The following PATJ variants were observed in gnomAD, a reference collection of about 807,000 sequenced individuals.
The protein encoded by PATJ is PATJ crumbs cell polarity complex component.
In PATJ, 190 loss-of-function variants were observed where a neutral mutation model predicts 224.9. The observed-to-expected ratio is 0.84, with a 90% CI of 0.75 to 0.95. PATJ has a LOEUF of 0.95. Among genes scored for constraint, PATJ ranks in the 40% least tolerant of loss-of-function variants. The pLI is 0.00. For missense variants in PATJ, 2,121 were observed against 2,270.3 expected (o/e 0.93, Z 1.34); for synonymous variants, 769 against 820.3 (o/e 0.94, Z 1.07).
intron 15 of PATJ, among the ~76,000 whole-genome samples, chr1:61,825,879 T>G (rs1052085706): frequency 4.6e-5 from 7 of 152,218 alleles, no homozygotes; most frequent in South Asian, 4.1e-4. Flanking sequence ...GTGCCTTTTT[T>G]TAGTGTAAGT....
At chr1:61,852,894 C>T (rs919567728) in intron 17 of PATJ, among the ~76,000 whole-genome samples, 1 of 152,038 alleles carries the variant, frequency 6.6e-6, no homozygotes, top group Non-Finnish European at 1.5e-5. Context: ...CTCATTAAAG[C>T]GATTTCATTC....
chr1:62,154,411 G>C (rs1036563134), intron 43 of PATJ, among the ~76,000 whole-genome samples: 19 of 151,944 alleles, frequency 1.3e-4, no homozygotes, highest in African/African-American at 4.6e-4. Flanking sequence ...GCTCACGTCT[G>C]TAATCCCAAC....
chr1:61,845,746 A>G (rs1008072150), intron 17 of PATJ, among the ~76,000 whole-genome samples: 1 of 152,230 alleles, frequency 6.6e-6, no homozygotes, highest in Admixed American at 6.5e-5. Flanking sequence ...CTAAAGAATG[A>G]AGGGCATCCT....
chr1:62,162,463 G>A lies in PATJ; in HGVS notation c.*1409G>A, dbSNP rs1669906991. The stretch of plus-strand genomic sequence containing the variant: ...AAATGAATTGAGCCTAGGAATATGT[G>A]ATGAAAATGCATGGCTGATGTTTCC... On this transcript the variant is annotated 3_prime_UTR_variant, in exon 44 of 44. Transcript: ENST00000642238. 6.6e-6 allele frequency: 1 copy of A among 152,266 alleles called. No individual in the cohort carries two copies. The highest frequency in any genetic ancestry group is 2.4e-5 in the African/African-American group (1 of 41,468). 9.4% of individuals were successfully genotyped at this position (152,266 alleles called of 1,614,324 possible). A position where few individuals can be genotyped will look rare whatever the true frequency, so the allele number is the denominator to read the frequency against.
chr1:61,791,517 AAATACTTGCAG>A (rs1649862266), intron 9 of PATJ, 70 bp downstream of exon 9: 9 of 921,266 alleles, frequency 9.8e-6, no homozygotes, highest in Non-Finnish European at 1.4e-5. Flanking sequence ...TAGTGAAATT[AAATACTTGCAG>A]ATTTTAATTT....
chr1:62,103,982 G>T lies in PATJ; in HGVS notation c.4378-4455G>T, dbSNP rs147267737. On this transcript the variant is annotated intron_variant, in intron 33 of 43. Coordinates refer to ENST00000642238, the MANE Select transcript of PATJ (RefSeq NM_001350145.3). ...TCATAATCCTTTGCCTCTATAGCCTGTCTTCAGAGTGAGCCAGCAAGCCAC... is the reference window on the plus strand; with the variant it reads ...TCATAATCCTTTGCCTCTATAGCCTTTCTTCAGAGTGAGCCAGCAAGCCAC... Among the ~76,000 whole-genome samples, 1,363 of 152,258 alleles carry T rather than the reference G, an allele frequency of 9.0e-3. 22 individuals are homozygous for T. The highest frequency in any genetic ancestry group is 0.084 in the South Asian group (407 of 4,820).
chr1:61,811,280 G>A (rs1654712377), intron 14 of PATJ, among the ~76,000 whole-genome samples: 1 of 152,104 alleles, frequency 6.6e-6, no homozygotes, highest in Non-Finnish European at 1.5e-5. Flanking sequence ...CTAGGCTGGG[G>A]TGCAATGGTG....
intron 39 of PATJ, among the ~76,000 whole-genome samples, chr1:62,125,236 C>CAAAAAA (rs761278812): frequency 0.033 from 921 of 27,708 alleles, 96 homozygotes; most frequent in East Asian, 0.12. Flanking sequence ...AACCCTGTCT[C>CAAAAAA]AAAAAAAAAA....
intron 41 of PATJ, among the ~76,000 whole-genome samples, chr1:62,129,182 A>C (rs1297157610): frequency 6.6e-6 from 1 of 152,238 alleles, no homozygotes; most frequent in African/African-American, 2.4e-5. Context: ...TCTCTGCTTC[A>C]CATGATAAAT....
At chr1:61,797,055 TG>T (rs1325937071) in intron 10 of PATJ, among the ~76,000 whole-genome samples, 2 of 152,050 alleles carry the variant, frequency 1.3e-5, no homozygotes, top group Middle Eastern at 3.2e-3. Context: ...TTAGTAGAGA[TG>T]GGGTTTCACC....
At chr1:61,971,947 C>T (rs1683038945) in intron 27 of PATJ, among the ~76,000 whole-genome samples, 1 of 150,664 alleles carries the variant, frequency 6.6e-6, no homozygotes, top group Non-Finnish European at 1.5e-5. Flanking sequence ...CATGACCATA[C>T]CACTGCACTC....
intron 11 of PATJ, among the ~76,000 whole-genome samples, chr1:61,800,751 C>T (rs1192261314): frequency 2.0e-5 from 3 of 152,056 alleles, no homozygotes; most frequent in Non-Finnish European, 1.5e-5. Flanking sequence ...CACAACAGGC[C>T]CCGGTGTGTG....
chr1:61,951,787 G>C (rs1007191427), intron 27 of PATJ, among the ~76,000 whole-genome samples: 1 of 152,150 alleles, frequency 6.6e-6, no homozygotes, highest in Non-Finnish European at 1.5e-5. Flanking sequence ...CAGCTTCTTT[G>C]TTATAAACAT....
At chr1:61,771,987 GC>G (rs1390666628) in intron 6 of PATJ, among the ~76,000 whole-genome samples, 1 of 151,950 alleles carries the variant, frequency 6.6e-6, no homozygotes, top group Non-Finnish European at 1.5e-5. Context: ...CTCTCAAAGT[GC>G]TAGGATTACA....
At chr1:61,783,470 T>A (rs1647803457) in intron 7 of PATJ, among the ~76,000 whole-genome samples, 1 of 149,152 alleles carries the variant, frequency 6.7e-6, no homozygotes, top group African/African-American at 2.5e-5. Context: ...GCTCTGTCAC[T>A]TTGGCTAGAG....
chr1:61,884,522 A>T (rs1226539231), intron 22 of PATJ, 114 bp downstream of exon 22: 13 of 722,914 alleles, frequency 1.8e-5, no homozygotes, highest in Non-Finnish European at 2.8e-5. Flanking sequence ...ATACAGAAAA[A>T]TATTATGAAT....
chr1:61,871,672 C>T (rs1311085517), intron 20 of PATJ, among the ~76,000 whole-genome samples: 10 of 148,106 alleles, frequency 6.8e-5, no homozygotes, highest in Non-Finnish European at 1.5e-4. Flanking sequence ...AAGCAATTCT[C>T]CTACCTCAGC....
intron 31 of PATJ, among the ~76,000 whole-genome samples, chr1:62,075,760 T>G (rs1658182972): frequency 6.6e-6 from 1 of 151,596 alleles, no homozygotes; most frequent in African/African-American, 2.4e-5. Context: ...CTACTAAAAA[T>G]ACAAAAAATT....
chr1:61,823,376 C>T (rs1254828704), intron 15 of PATJ, among the ~76,000 whole-genome samples: 1 of 152,178 alleles, frequency 6.6e-6, no homozygotes, highest in Non-Finnish European at 1.5e-5. Flanking sequence ...AGCCTTGTTG[C>T]AACATATAAC....
Sources: allele counts gnomAD v4.1 joint callset (sites outside exome capture counted in the v4.1 genomes callset), GRCh38; gene constraint gnomAD v4.1.1; transcripts MANE v1.5; gene names NCBI Gene and HGNC (gene_info 2026-07-23, HGNC 2026-07-21).